The following FAAP20 variants were observed in gnomAD, a reference collection of about 807,000 sequenced individuals.
The protein encoded by FAAP20 is FA core complex associated protein 20, also known as Fanconi anemia core complex-associated protein 20.
A neutral mutation model predicts 16.2 loss-of-function variants in FAAP20; 12 were observed. That is an observed-to-expected ratio of 0.74 (90% confidence interval 0.48 to 1.20). FAAP20 has a LOEUF of 1.20. Ranked by LOEUF, FAAP20 falls within the 50% of genes most tolerant of loss-of-function variation. The pLI is 0.00. For synonymous variants in FAAP20, 141 were observed against 110.7 expected (o/e 1.27, Z -1.72); for missense variants, 288 against 245.8 (o/e 1.17, Z -1.15).
chr1:2,187,455 C>T (rs1310673142), downstream of FAAP20, among the ~76,000 whole-genome samples: 1 of 152,088 alleles, frequency 6.6e-6, no homozygotes, highest in South Asian at 2.1e-4. Context: ...CAGGCACCTG[C>T]CCCACGCCCG....
At chr1:2,185,283 C>T (rs754746314), downstream of FAAP20, 10 of 717,812 alleles carry the variant, frequency 1.4e-5, no homozygotes, top group South Asian at 7.4e-5. Flanking sequence ...GGCTGTCATG[C>T]GGTTTCCAAG....
At chr1:2,211,864 C>T (rs140779600), downstream of FAAP20, among the ~76,000 whole-genome samples, 4,427 of 148,970 alleles carry the variant, frequency 0.03, 108 homozygotes, top group East Asian at 0.12. Context: ...GGATTACAGG[C>T]GTGAGCCACC....
At chr1:2,204,729 C>T (rs1023373003), upstream of FAAP20, among the ~76,000 whole-genome samples, 1 of 152,178 alleles carries the variant, frequency 6.6e-6, no homozygotes, top group African/African-American at 2.4e-5. Context: ...ACGACCCCTC[C>T]GGAGCAGGGT....
At position 2,193,129 on chromosome 1, in the gene FAAP20, C is replaced by T. The variant is rs990301600; in HGVS notation, c.470+510G>A. On this transcript the variant is annotated intron_variant, in intron 3 of 3. Transcript: ENST00000378546. ...CTCCGGAGGCCAAGGGCCCAGAGGT[C>T]GCCAGACACAAGGCCAGGCACTGGG... 5 of 665,714 alleles carry T rather than the reference C, an allele frequency of 7.5e-6. No homozygotes were observed. In the African/African-American group the frequency reaches 9.5e-5, roughly 13 times the overall value. The allele number at this position is 665,714 out of a possible 1,614,324, so 41.2% of individuals were successfully genotyped here.
At chr1:2,207,909 C>CGTGTGTGTGTGT (rs58549960), downstream of FAAP20, among the ~76,000 whole-genome samples, 55 of 145,888 alleles carry the variant, frequency 3.8e-4, 1 homozygote, top group East Asian at 3.4e-3. Context: ...TGGTAACACC[C>CGTGTGTGTGTGT]GTGTGTGTGT....
chr1:2,187,433 T>C (rs937233157), downstream of FAAP20, among the ~76,000 whole-genome samples: 1 of 151,976 alleles, frequency 6.6e-6, no homozygotes, highest in Non-Finnish European at 1.5e-5. Context: ...GCCTCCCCAG[T>C]AGCTGGGATT....
At chr1:2,190,656 G>A (rs1688113904) in intron 3 of FAAP20, 5 of 343,796 alleles carry the variant, frequency 1.5e-5, no homozygotes, top group South Asian at 8.7e-5. Context: ...TCCCGGGGCT[G>A]AGTGGGCGGC....
chr1:2,185,097 G>T, downstream of FAAP20: 1 of 1,302,182 alleles, frequency 7.7e-7, no homozygotes. Context: ...GCTGGGCACG[G>T]CTCCGAGGGC....
chr1:2,189,355 A>C (rs1035955903), downstream of FAAP20, among the ~76,000 whole-genome samples: 2 of 151,834 alleles, frequency 1.3e-5, no homozygotes, highest in Admixed American at 6.6e-5. Context: ...CAAAAAAAAA[A>C]CCGTGACTGC....
Position 2,194,084 on chromosome 1 carries a change from G to T in FAAP20, c.112C>A (p.Arg38=). 2 of 1,612,540 alleles carry T rather than the reference G, an allele frequency of 1.2e-6. No individual in the cohort carries two copies. Among genetic ancestry groups the T allele is most frequent in the Non-Finnish European group, 1.7e-6 (2 of 1,179,918 alleles). The stretch of plus-strand genomic sequence containing the variant: ...GTGCGCAGTAGCTCGGCCCAGAGCC[G>T]CTCCCGCTCATCACCCCCCAGGAGA... ...WFLLGGDERE[R]LWAELLRTVS... is the part of the protein sequence containing the mutation. The change falls in exon 2 of 4, where the codon CGG becomes AGG. Residue 38 remains arginine, a synonymous_variant. Coordinates refer to ENST00000378546, the MANE Select transcript of FAAP20 (RefSeq NM_182533.4).
At chr1:2,202,380 C>T (rs1689084566), upstream of FAAP20, among the ~76,000 whole-genome samples, 2 of 152,206 alleles carry the variant, frequency 1.3e-5, no homozygotes, top group Non-Finnish European at 2.9e-5. Flanking sequence ...GCACTGTTGC[C>T]CAGGCTGGAG....
At chr1:2,194,633 G>A in intron 1 of FAAP20, 55 bp downstream of exon 1, 1 of 993,814 alleles carries the variant, frequency 1.0e-6, no homozygotes, top group African/African-American at 1.7e-5. Context: ...GGGGCGCCGG[G>A]AAGCACGTGG....
chr1:2,199,661 C>T (rs1688968846), upstream of FAAP20: 2 of 983,262 alleles, frequency 2.0e-6, no homozygotes, highest in African/African-American at 1.7e-5. The surrounding 1 kb of genome is among the most constrained non-coding windows in gnomAD (Gnocchi z 4.5). Context: ...GACTCATGTC[C>T]ACCAGTACCT....
chr1:2,186,501 C>A (rs575343225), downstream of FAAP20, among the ~76,000 whole-genome samples: 6 of 148,818 alleles, frequency 4.0e-5, 1 homozygote, highest in South Asian at 4.5e-4. Context: ...CACCCGCCCC[C>A]CCCCGGCCAG....
upstream of FAAP20, chr1:2,200,647 C>G (rs980411067): frequency 2.0e-5 from 20 of 986,038 alleles, no homozygotes; most frequent in Non-Finnish European, 2.4e-5. Context: ...CATTTTTTCA[C>G]AGCAGCCCCA....
At chr1:2,211,744 C>CAAGAGCAAGCTTCTGATGTAGG (rs1557798231), downstream of FAAP20, among the ~76,000 whole-genome samples, 1 of 143,080 alleles carries the variant, frequency 7.0e-6, no homozygotes, top group Admixed American at 6.9e-5. Flanking sequence ...CCACCGTGCC[C>CAAGAGCAAGCTTCTGATGTAGG]GGCCAGTTTT....
chr1:2,189,981 G>A (rs960734118), intron 3 of FAAP20, 200 bp from the exon 4 acceptor site: 23 of 627,870 alleles, frequency 3.7e-5, no homozygotes, highest in Non-Finnish European at 5.8e-5. Context: ...CACCGTGCCC[G>A]TGAGGAGGCC....
intron 3 of FAAP20, chr1:2,191,153 G>A (rs544947957): frequency 6.6e-6 from 1 of 152,486 alleles, no homozygotes; most frequent in Admixed American, 6.5e-5. Flanking sequence ...AAGGTGCTAA[G>A]ATCTGAACCG....
At chr1:2,204,242 G>A (rs1437747903), upstream of FAAP20, among the ~76,000 whole-genome samples, 2 of 152,230 alleles carry the variant, frequency 1.3e-5, no homozygotes, top group African/African-American at 4.8e-5. Flanking sequence ...GGTGACCCCA[G>A]GCCCAGGTGC....
Sources: gnomAD v4.1 joint callset for allele counts (sites outside exome capture counted in the v4.1 genomes callset) on GRCh38, gnomAD v4.1.1 for gene constraint, Gnocchi (gnomAD v3.1) non-coding constraint, MANE v1.5 for transcripts, NCBI Gene and HGNC (gene_info 2026-07-23, HGNC 2026-07-21) for gene names.